Variants in SCP2 observed in about 807,000 individuals in gnomAD.
SCP2 encodes SCP-2/3-oxoacyl-CoA thiolase.
In SCP2, 48 loss-of-function variants were observed where a neutral mutation model predicts 71.4. That is an observed-to-expected ratio of 0.67 (90% CI 0.53 to 0.86). SCP2 has a LOEUF of 0.86. SCP2 is among the 40% of genes least tolerant of loss of function. SCP2 has a pLI of 0.00. For synonymous variants in SCP2, 220 were observed against 218.1 expected, an observed-to-expected ratio of 1.01 and a Z score of -0.08; for missense variants, 560 against 655.6, an observed-to-expected ratio of 0.85 and a Z score of 1.59.
intron 2 of SCP2, among the ~76,000 whole-genome samples, chr1:52,942,986 G>C (rs944213221): frequency 1.3e-5 from 2 of 152,056 alleles, no homozygotes; most frequent in Non-Finnish European, 2.9e-5. Context: ...ACAGGTGTGA[G>C]CCACTGCGCC....
Position 53,037,933 on chromosome 1 carries a change from T to C in SCP2, c.1339-984T>C, listed in dbSNP as rs201696765. On this transcript the variant is annotated intron_variant, in intron 13 of 15. Coordinates refer to ENST00000371514, the MANE Select transcript of SCP2 (RefSeq NM_002979.5). ...ACACACACACACACACACACACAGA[T>C]CCAGATCCTGTCTCTATACACACAC... Among the ~76,000 whole-genome samples the C allele has an allele frequency of 1.5e-3, 107 of 72,602 alleles. No individual in the cohort carries two copies. In the East Asian group the frequency reaches 0.018, roughly 12 times the overall value. The allele number at this position is 72,602 out of a possible 152,430, so 47.6% of individuals were successfully genotyped here.
intron 1 of SCP2, among the ~76,000 whole-genome samples, chr1:52,928,442 A>C (rs1457269398): frequency 6.6e-6 from 1 of 152,194 alleles, no homozygotes. Flanking sequence ...CAGCCCTAAA[A>C]TGTTTATTAT....
chr1:53,012,172 G>A (rs1319757331), intron 11 of SCP2, among the ~76,000 whole-genome samples: 2 of 152,172 alleles, frequency 1.3e-5, no homozygotes, highest in Non-Finnish European at 2.9e-5. Context: ...TTGACTGGGG[G>A]TCATAAGACC....
At chr1:53,018,275 G>T (rs1490412160) in intron 12 of SCP2, among the ~76,000 whole-genome samples, 2 of 152,086 alleles carry the variant, frequency 1.3e-5, no homozygotes, top group Non-Finnish European at 2.9e-5. Flanking sequence ...TTGACATTTT[G>T]CCCATTTGCT....
chr1:52,943,716 G>C, intron 2 of SCP2: 1 of 454,738 alleles, frequency 2.2e-6, no homozygotes, highest in Admixed American at 2.4e-5. Context: ...TGAGCAATTT[G>C]TTGCACCAGA....
At chr1:52,927,510 G>T (rs900283647) in intron 1 of SCP2, 45 bp downstream of exon 1, 2 of 1,446,994 alleles carry the variant, frequency 1.4e-6, no homozygotes, top group Non-Finnish European at 1.9e-6. Flanking sequence ...GCTCGGGGGC[G>T]GTCGGTGCCT....
At position 53,028,038 on chromosome 1, in the gene SCP2, T is replaced by C. The variant is rs746165053; in HGVS notation, c.1305T>C (p.Leu435=). ...CAAGTGATGGATTTAAGGCAAATCTTGTTTTTAAGGAGATTGAGAAGAAAC... is the reference window on the plus strand; with the variant it reads ...CAAGTGATGGATTTAAGGCAAATCTCGTTTTTAAGGAGATTGAGAAGAAAC... ...SSASDGFKAN[L]VFKEIEKKLE... Residue 435 remains leucine (L), a synonymous_variant, in exon 13 of 16, where the codon CTT becomes CTC. Transcript: ENST00000371514. 8 of 1,609,072 alleles carry C rather than the reference T, an allele frequency of 5.0e-6. No homozygotes were observed. In the South Asian group the frequency reaches 7.7e-5, roughly 15 times the overall value.
chr1:52,960,547 TAC>T (rs1479813506), intron 5 of SCP2, among the ~76,000 whole-genome samples: 4 of 141,656 alleles, frequency 2.8e-5, no homozygotes, highest in East Asian at 2.5e-4. Context: ...TGTATGTATA[TAC>T]ATGTGTATAT....
intron 2 of SCP2, among the ~76,000 whole-genome samples, chr1:52,943,060 G>C (rs895293647): frequency 6.6e-6 from 1 of 151,924 alleles, no homozygotes; most frequent in African/African-American, 2.4e-5. Context: ...CATGAAAATG[G>C]AAAAACTACC....
intron 15 of SCP2, chr1:53,048,542 C>T (rs910714464): frequency 6.0e-6 from 1 of 166,304 alleles, no homozygotes; most frequent in Non-Finnish European, 1.3e-5. Context: ...CAGCTTAGTG[C>T]CTGTTGTGTT....
chr1:53,010,378 C>G lies in SCP2; in HGVS notation c.1082-4512C>G, dbSNP rs531779705. Among the ~76,000 whole-genome samples the G allele has an allele frequency of 1.5e-3, 234 of 152,270 alleles. 1 individual carries two copies. The highest frequency in any genetic ancestry group is 5.4e-3 in the African/African-American group (225 of 41,550). On this transcript the variant is annotated intron_variant, in intron 11 of 15. Transcript: ENST00000371514. ...CAATAGCAAAGACTTGGAACCAACCCAAATGTCCATCAATGATATAGTGGA... is the reference window on the plus strand; with the variant it reads ...CAATAGCAAAGACTTGGAACCAACCGAAATGTCCATCAATGATATAGTGGA...
chr1:53,041,964 C>T (rs574660254), intron 14 of SCP2, among the ~76,000 whole-genome samples: 11 of 151,864 alleles, frequency 7.2e-5, no homozygotes, highest in South Asian at 6.3e-4. Flanking sequence ...GCTTGGAGTC[C>T]GGAGAAAAAG....
intron 5 of SCP2, 83 bp downstream of exon 5, chr1:52,954,887 C>A: frequency 1.0e-6 from 1 of 994,394 alleles, no homozygotes; most frequent in Admixed American, 1.7e-5. Flanking sequence ...ATGCATAGAT[C>A]TTGGTATTTT....
chr1:52,962,213 A>G (rs1381445282), intron 6 of SCP2, among the ~76,000 whole-genome samples: 2 of 152,136 alleles, frequency 1.3e-5, no homozygotes, highest in Non-Finnish European at 2.9e-5. Flanking sequence ...TGGACTATAA[A>G]TTGAGGATCT....
intron 11 of SCP2, among the ~76,000 whole-genome samples, chr1:52,989,143 C>T (rs965986145): frequency 6.6e-6 from 1 of 152,116 alleles, no homozygotes; most frequent in Admixed American, 6.5e-5. Flanking sequence ...TATTATAACC[C>T]TCACAATATA....
intron 13 of SCP2, among the ~76,000 whole-genome samples, chr1:53,037,975 A>T (rs1663133191): frequency 7.0e-6 from 1 of 143,442 alleles, no homozygotes; most frequent in African/African-American, 2.5e-5. Context: ...ACACACACAC[A>T]CACACACACA....
At chr1:52,994,989 C>G (rs757398937) in intron 11 of SCP2, 9 of 508,730 alleles carry the variant, frequency 1.8e-5, no homozygotes, top group African/African-American at 7.8e-5. Context: ...TTAAACCAGA[C>G]AACTTTGTTT....
chr1:52,987,001 TATA>T (rs1182600555), intron 10 of SCP2, among the ~76,000 whole-genome samples: 2 of 89,678 alleles, frequency 2.2e-5, no homozygotes, highest in African/African-American at 1.1e-4. Flanking sequence ...TATATATATA[TATA>T]TATTTTTTTT....
At chr1:52,990,525 G>C (rs1401560251) in intron 11 of SCP2, among the ~76,000 whole-genome samples, 4 of 151,948 alleles carry the variant, frequency 2.6e-5, no homozygotes, top group East Asian at 3.9e-4. Context: ...GGTGGGTCAG[G>C]AGATCAAGAC....
Sources: gnomAD v4.1 joint callset for allele counts (sites outside exome capture counted in the v4.1 genomes callset) on GRCh38, gnomAD v4.1.1 for gene constraint, MANE v1.5 for transcripts, NCBI Gene and HGNC (gene_info 2026-07-23, HGNC 2026-07-21) for gene names.